Variants in PTGER2 observed in about 807,000 individuals in gnomAD.
PTGER2 encodes the protein prostaglandin E2 receptor EP2 subtype.
A neutral mutation model predicts 26.2 loss-of-function variants in PTGER2; 22 were observed. The ratio of observed to expected loss-of-function variants is 0.84; its 90% confidence interval spans 0.60 to 1.20. The LOEUF (loss-of-function observed/expected upper bound fraction) is 1.20, where lower values mean the gene tolerates loss of function less well. Among genes scored for constraint, PTGER2 ranks in the 50% most tolerant of loss-of-function variants. PTGER2 has a pLI of 0.00. For synonymous variants in PTGER2, 219 were observed against 208.9 expected, an observed-to-expected ratio of 1.05 and a Z score of -0.42; for missense variants, 458 against 475.2, an observed-to-expected ratio of 0.96 and a Z score of 0.34.
intron 1 of PTGER2, among the ~76,000 whole-genome samples, chr14:52,322,209 T>C (rs755538546): frequency 6.6e-6 from 1 of 152,140 alleles, no homozygotes; most frequent in Non-Finnish European, 1.5e-5. Flanking sequence ...GCTGGGCCGC[T>C]GGGGGTGACA....
At chr14:52,315,641 T>G (rs941394731) in intron 1 of PTGER2, among the ~76,000 whole-genome samples, 1 of 152,064 alleles carries the variant, frequency 6.6e-6, no homozygotes, top group Non-Finnish European at 1.5e-5. Flanking sequence ...AAGGGAGTCC[T>G]GGGCCTCAGC....
At position 52,314,466 on chromosome 14, in the gene PTGER2, C is replaced by G; in HGVS notation, c.-83C>G. Reference sequence around the variant, plus strand: ...TCCCTCCCCTTTTTCCTCTGAGTCTCGGAACGCTCCGGCTCTCAGACCCTC... The same window carrying G: ...TCCCTCCCCTTTTTCCTCTGAGTCTGGGAACGCTCCGGCTCTCAGACCCTC... On this transcript the variant is annotated 5_prime_UTR_variant, in exon 1 of 2. Coordinates refer to ENST00000245457, the MANE Select transcript of PTGER2 (RefSeq NM_000956.4). The surrounding 1 kb of genome is among the most constrained non-coding windows in gnomAD (Gnocchi z 5.7). The G allele has an allele frequency of 1.5e-6, 2 of 1,323,676 alleles. No homozygotes were observed. The highest frequency in any genetic ancestry group is 2.0e-6 in the Non-Finnish European group (2 of 1,022,908). The allele number at this position is 1,323,676 out of a possible 1,614,324, so 82.0% of individuals were successfully genotyped here.
At chr14:52,321,547 CT>C (rs1258536433) in intron 1 of PTGER2, among the ~76,000 whole-genome samples, 1 of 152,180 alleles carries the variant, frequency 6.6e-6, no homozygotes, top group African/African-American at 2.4e-5. Flanking sequence ...TCATGCTAAG[CT>C]TTACATTACA....
At chr14:52,325,242 A>C (rs912159800) in intron 1 of PTGER2, among the ~76,000 whole-genome samples, 1 of 136,986 alleles carries the variant, frequency 7.3e-6, no homozygotes, top group Non-Finnish European at 1.6e-5. Flanking sequence ...GAAAGGAAAC[A>C]GTACAGAATT....
rs2033975022 is a variant in PTGER2 at position 52,328,538 on chromosome 14, T to C, written c.*1084T>C. On this transcript the variant is annotated 3_prime_UTR_variant, in exon 2 of 2. Coordinates refer to ENST00000245457, the MANE Select transcript of PTGER2 (RefSeq NM_000956.4). ...AATATTTCAGTGAATTTGCACTGTTTAATCATAGTTACTGTGTAAACTCAT... is the reference window on the plus strand; with the variant it reads ...AATATTTCAGTGAATTTGCACTGTTCAATCATAGTTACTGTGTAAACTCAT... 1 of 152,234 alleles carries C rather than the reference T, an allele frequency of 6.6e-6. No homozygotes were observed. The highest frequency in any genetic ancestry group is 1.5e-5 in the Non-Finnish European group (1 of 68,028). The allele number at this position is 152,234 out of a possible 1,614,324, so 9.4% of individuals were successfully genotyped here.
At chr14:52,320,402 G>A (rs954726694) in intron 1 of PTGER2, among the ~76,000 whole-genome samples, 1 of 151,964 alleles carries the variant, frequency 6.6e-6, no homozygotes, top group Non-Finnish European at 1.5e-5. Context: ...TGGTCAAGTG[G>A]GTCCTCACTG....
rs764964297 is a variant in PTGER2, at chr14:52,314,813, G to A, written c.265G>A (p.Val89Ile). Residue 89 changes from valine to isoleucine, a missense_variant, in exon 1 of 2, where the codon GTA (valine) becomes ATA (isoleucine). Physicochemically the swap from Val to Ile is conservative, Grantham distance 29. Coordinates refer to ENST00000245457, the MANE Select transcript of PTGER2 (RefSeq NM_000956.4). This position sits in a 1 kb window ranked among gnomAD's most constrained non-coding sequence, Gnocchi z 5.7. Reference protein sequence around the residue: ...LLGTCLISPVVLASYARNQTL... With the variant: ...LLGTCLISPVILASYARNQTL... The stretch of plus-strand genomic sequence containing the variant: ...CGGGACCTGCCTCATCAGCCCAGTG[G>A]TACTGGCTTCGTACGCGCGGAACCA... The A allele has an allele frequency of 1.2e-6, 2 of 1,613,136 alleles. No homozygotes were observed. The highest frequency in any genetic ancestry group is 1.7e-6 in the Non-Finnish European group (2 of 1,179,962).
chr14:52,324,568 A>T (rs2033929287), intron 1 of PTGER2, among the ~76,000 whole-genome samples: 1 of 152,282 alleles, frequency 6.6e-6, no homozygotes, highest in East Asian at 1.9e-4. Context: ...GAAGAATTTA[A>T]GATGTCAAAG....
At chr14:52,316,052 A>G (rs1386576482) in intron 1 of PTGER2, among the ~76,000 whole-genome samples, 4 of 152,268 alleles carry the variant, frequency 2.6e-5, no homozygotes, top group Non-Finnish European at 1.5e-5. Flanking sequence ...TTATAAAACC[A>G]TAATGATAAC....
intron 1 of PTGER2, among the ~76,000 whole-genome samples, chr14:52,319,615 G>A (rs985050650): frequency 2.6e-5 from 4 of 152,140 alleles, no homozygotes; most frequent in African/African-American, 7.2e-5. Flanking sequence ...TTCCTGAAAT[G>A]GAACAGAACA....
At chr14:52,323,030 G>A (rs560730728) in intron 1 of PTGER2, among the ~76,000 whole-genome samples, 5 of 152,302 alleles carry the variant, frequency 3.3e-5, no homozygotes, top group African/African-American at 9.6e-5. Flanking sequence ...CTCAGCTTAC[G>A]AAGATAACAG....
chr14:52,323,946 GA>G, intron 1 of PTGER2, among the ~76,000 whole-genome samples: 1 of 152,290 alleles, frequency 6.6e-6, no homozygotes, highest in South Asian at 2.1e-4. Context: ...CTGAATTGCC[GA>G]ATATCACTGA....
At position 52,327,227 on chromosome 14, in the gene PTGER2, G is replaced by T; in HGVS notation, c.850G>T (p.Ala284Ser). The change falls in exon 2 of 2, where the codon GCA (alanine) becomes TCA (serine). Residue 284 changes from alanine (A) to serine (S), a missense_variant. Coordinates refer to ENST00000245457, the MANE Select transcript of PTGER2 (RefSeq NM_000956.4). ...TCCCCTTTGCTTCTTACAGATTTTT[G>T]CATATATGAATGAAACCTCTTCCCG... ...AVCSLPFTIF[A>S]YMNETSSRKE... 1 of 1,590,302 alleles carries T rather than the reference G, an allele frequency of 6.3e-7. No individual in the cohort carries two copies. Among genetic ancestry groups the T allele is most frequent in the Non-Finnish European group, 8.6e-7 (1 of 1,160,168 alleles).
At chr14:52,320,598 A>C (rs184296628) in intron 1 of PTGER2, among the ~76,000 whole-genome samples, 3 of 152,346 alleles carry the variant, frequency 2.0e-5, no homozygotes, top group Admixed American at 2.0e-4. Flanking sequence ...CTTAAGACCC[A>C]GTTCATCTGC....
chr14:52,314,477 G>T lies in PTGER2; in HGVS notation c.-72G>T. The stretch of plus-strand genomic sequence containing the variant: ...TTTCCTCTGAGTCTCGGAACGCTCC[G>T]GCTCTCAGACCCTCTTCCTCCCAGG... On this transcript the variant is annotated 5_prime_UTR_variant, in exon 1 of 2. Coordinates refer to ENST00000245457, the MANE Select transcript of PTGER2 (RefSeq NM_000956.4). This position sits in a 1 kb window ranked among gnomAD's most constrained non-coding sequence, Gnocchi z 5.7. The T allele has an allele frequency of 1.5e-6, 2 of 1,374,304 alleles. No individual in the cohort carries two copies. The highest frequency in any genetic ancestry group is 2.3e-5 in the South Asian group (1 of 43,798). The allele number at this position is 1,374,304 out of a possible 1,614,324, so 85.1% of individuals were successfully genotyped here. A position where few individuals can be genotyped will look rare whatever the true frequency, so the allele number is the denominator to read the frequency against.
intron 1 of PTGER2, among the ~76,000 whole-genome samples, chr14:52,326,320 T>C (rs2033950420): frequency 6.6e-6 from 1 of 152,240 alleles, no homozygotes; most frequent in Admixed American, 6.5e-5. Context: ...ATTTGCATCC[T>C]GATTTGGCCA....
chr14:52,315,448 C>G (rs1369967130), intron 1 of PTGER2, 57 bp downstream of exon 1: 3 of 1,592,122 alleles, frequency 1.9e-6, no homozygotes, highest in Admixed American at 1.7e-5. Context: ...TCATGCTCTC[C>G]CCTGACGCCT....
At chr14:52,317,439 C>T (rs868784816) in intron 1 of PTGER2, among the ~76,000 whole-genome samples, 1 of 152,096 alleles carries the variant, frequency 6.6e-6, no homozygotes. Context: ...TCCATCGTTG[C>T]CTTATGTTTT....
chr14:52,327,074 G>C (rs956256109), intron 1 of PTGER2, 147 bp from the exon 2 acceptor site: 3 of 615,608 alleles, frequency 4.9e-6, no homozygotes, highest in Non-Finnish European at 8.5e-6. Context: ...AGAAAGGTAA[G>C]ATTCCCAACC....
Sources: gnomAD v4.1 joint callset for allele counts (sites outside exome capture counted in the v4.1 genomes callset) on GRCh38, gnomAD v4.1.1 for gene constraint, Gnocchi (gnomAD v3.1) non-coding constraint, MANE v1.5 for transcripts, NCBI Gene and HGNC (gene_info 2026-07-23, HGNC 2026-07-21) for gene names.